Variants in CCDC38 observed in about 807,000 individuals in gnomAD.
CCDC38 encodes coiled-coil domain-containing protein 38.
A neutral mutation model predicts 72.8 loss-of-function variants in CCDC38; 69 were observed. That is an observed-to-expected ratio of 0.95 (90% CI 0.78 to 1.16). The LOEUF is 1.16. Among genes scored for constraint, CCDC38 ranks in the 50% most tolerant of loss-of-function variants. The pLI, the probability that CCDC38 is intolerant of heterozygous loss-of-function variation, is 0.00. For missense variants in CCDC38, 626 were observed against 638.9 expected (o/e 0.98, Z 0.22); for synonymous variants, 201 against 213.2 (o/e 0.94, Z 0.50).
At chr12:95,903,679 T>C in intron 5 of CCDC38, 1 of 433,150 alleles carries the variant, frequency 2.3e-6, no homozygotes, top group East Asian at 3.4e-5. Flanking sequence ...TTTGTTAATG[T>C]GTATTACATT....
At chr12:95,932,950 A>G (rs2080353664) in intron 2 of CCDC38, among the ~76,000 whole-genome samples, 1 of 152,200 alleles carries the variant, frequency 6.6e-6, no homozygotes, top group South Asian at 2.1e-4. Context: ...TACATGGGGA[A>G]AGGAGAGACT....
chr12:95,910,468 T>C (rs2080080460), intron 4 of CCDC38, among the ~76,000 whole-genome samples: 1 of 152,226 alleles, frequency 6.6e-6, no homozygotes, highest in South Asian at 2.1e-4. Flanking sequence ...GAACAATCAA[T>C]GTCATTAAAA....
chr12:95,882,889 A>C (rs1465071706), intron 10 of CCDC38, among the ~76,000 whole-genome samples: 2 of 152,206 alleles, frequency 1.3e-5, no homozygotes, highest in Non-Finnish European at 2.9e-5. Flanking sequence ...CAGGGAGCTA[A>C]AATGAACATC....
At chr12:95,867,254 G>A in intron 15 of CCDC38, 65 bp from the exon 16 acceptor site, 1 of 829,212 alleles carries the variant, frequency 1.2e-6, no homozygotes. Context: ...ATTGAAATTT[G>A]TGAAATACCA....
At chr12:95,876,547 G>C (rs79708532) in intron 13 of CCDC38, among the ~76,000 whole-genome samples, 4,585 of 152,172 alleles carry the variant, frequency 0.03, 155 homozygotes, top group East Asian at 0.099. Context: ...AGGTAAATTT[G>C]GTTATGTATA....
In CCDC38 at chr12:95,898,416, T is replaced by G. The variant is rs933286724; in HGVS notation, c.583A>C (p.Lys195Gln). 6.2e-7 allele frequency: 1 copy of G among 1,614,112 alleles called. No individual in the cohort carries two copies. ...ACTGCTTGTACCTCCATGCTTGCTTTCTTCAGCTCTGCTGTCATTTGGAGT... is the reference window on the plus strand; with the variant it reads ...ACTGCTTGTACCTCCATGCTTGCTTGCTTCAGCTCTGCTGTCATTTGGAGT... ...NKLQMTAELKKASMEVQAVKS... is the reference protein window; with the variant it reads ...NKLQMTAELKQASMEVQAVKS... The change falls in exon 7 of 16, where the codon AAA becomes CAA. Residue 195 changes from lysine to glutamine, a missense_variant. By Grantham distance (53) the Lys-to-Gln change is moderately conservative (BLOSUM62 1). Coordinates refer to ENST00000344280, the MANE Select transcript of CCDC38 (RefSeq NM_182496.3).
At chr12:95,869,730 A>C in intron 14 of CCDC38, 157 bp from the exon 15 acceptor site, 1 of 571,748 alleles carries the variant, frequency 1.7e-6, no homozygotes, top group South Asian at 2.2e-5. Flanking sequence ...GCTTTTGAAT[A>C]TTCAGGTAAA....
intron 1 of CCDC38, among the ~76,000 whole-genome samples, chr12:95,942,187 CAG>C (rs2080459078): frequency 6.6e-6 from 1 of 152,132 alleles, no homozygotes; most frequent in African/African-American, 2.4e-5. Context: ...AGACTTAACA[CAG>C]AGCTTGTGAT....
intron 2 of CCDC38, among the ~76,000 whole-genome samples, chr12:95,926,562 G>A (rs1469907497): frequency 1.3e-5 from 2 of 151,968 alleles, no homozygotes; most frequent in Non-Finnish European, 2.9e-5. Flanking sequence ...TCTGATTTTA[G>A]TTATTTCTTG....
At chr12:95,888,629 C>A in intron 9 of CCDC38, 123 bp from the exon 10 acceptor site, 2 of 740,760 alleles carry the variant, frequency 2.7e-6, no homozygotes, top group Non-Finnish European at 2.3e-6. Flanking sequence ...ACAGACATGC[C>A]CATTACTTCT....
At chr12:95,894,089 C>T (rs368326158) in intron 8 of CCDC38, among the ~76,000 whole-genome samples, 21 of 151,996 alleles carry the variant, frequency 1.4e-4, no homozygotes, top group South Asian at 8.3e-4. Flanking sequence ...CATGGTGGTG[C>T]GTGGCTGTAG....
rs552800873 is a variant in CCDC38, at chr12:95,891,906, C to T, written c.773-976G>A. On this transcript the variant is annotated intron_variant, in intron 8 of 15. Transcript: ENST00000344280. ...AGCAAATTCCCCCTGATTTGTAGTT[C>T]GCCAATTTCTGTGTTGTAAATGCTC... Among the ~76,000 whole-genome samples, 7 of 152,114 alleles carry T rather than the reference C, an allele frequency of 4.6e-5. No homozygotes were observed. The South Asian group carries it at 8.3e-4, about 18-fold the overall frequency.
chr12:95,892,580 ATT>A, intron 8 of CCDC38, among the ~76,000 whole-genome samples: 1 of 136,906 alleles, frequency 7.3e-6, no homozygotes, highest in African/African-American at 2.9e-5. Flanking sequence ...CCTGGCTTAA[ATT>A]CTTTTTTTTT....
At chr12:95,868,704 C>G (rs1266653591) in intron 15 of CCDC38, among the ~76,000 whole-genome samples, 1 of 152,190 alleles carries the variant, frequency 6.6e-6, no homozygotes, top group Non-Finnish European at 1.5e-5. Context: ...ATTTCAGATG[C>G]TATCCCAGAG....
chr12:95,905,541 G>A (rs1425749253), intron 5 of CCDC38, among the ~76,000 whole-genome samples: 1 of 152,102 alleles, frequency 6.6e-6, no homozygotes, highest in Non-Finnish European at 1.5e-5. Context: ...TATGTTGATT[G>A]CAGCTGGCAG....
chr12:95,935,884 G>A (rs1260115296), intron 2 of CCDC38, among the ~76,000 whole-genome samples: 1 of 152,078 alleles, frequency 6.6e-6, no homozygotes, highest in Non-Finnish European at 1.5e-5. Flanking sequence ...TTTGAGACCA[G>A]CCTGGCCAAC....
chr12:95,932,401 T>C (rs1425583962), intron 2 of CCDC38, among the ~76,000 whole-genome samples: 1 of 152,312 alleles, frequency 6.6e-6, no homozygotes, highest in East Asian at 1.9e-4. Context: ...CATTTGTTTC[T>C]TCATTTTTTG....
intron 13 of CCDC38, among the ~76,000 whole-genome samples, chr12:95,873,115 G>A (rs2079599522): frequency 6.6e-6 from 1 of 151,994 alleles, no homozygotes; most frequent in South Asian, 2.1e-4. Flanking sequence ...TTTGCCACTC[G>A]GATGCATTTC....
At chr12:95,905,747 T>A (rs1481375110) in intron 5 of CCDC38, among the ~76,000 whole-genome samples, 1 of 152,240 alleles carries the variant, frequency 6.6e-6, no homozygotes, top group Non-Finnish European at 1.5e-5. Context: ...TATTTTCCCA[T>A]TAAGTGCTTG....
Sources: gnomAD v4.1 joint callset for allele counts (sites outside exome capture counted in the v4.1 genomes callset) on GRCh38, gnomAD v4.1.1 for gene constraint, MANE v1.5 for transcripts, NCBI Gene and HGNC (gene_info 2026-07-23, HGNC 2026-07-21) for gene names.